CCDC91: variants seen among roughly 807,000 people sequenced by gnomAD.
The protein encoded by CCDC91 is coiled-coil domain-containing protein 91.
A neutral mutation model predicts 63.2 loss-of-function variants in CCDC91; 48 were observed. That is an observed-to-expected ratio of 0.76 (90% CI 0.60 to 0.97). The LOEUF (loss-of-function observed/expected upper bound fraction) is 0.97. CCDC91 is among the 50% of genes least tolerant of loss of function. The pLI, the probability that CCDC91 is intolerant of heterozygous loss-of-function variation, is 0.00. For missense variants in CCDC91, 500 were observed against 494.6 expected, an observed-to-expected ratio of 1.01 and a Z score of -0.10; for synonymous variants, 167 against 165.8, an observed-to-expected ratio of 1.01 and a Z score of -0.06.
chr12:28,453,694 C>A (rs1949925765), intron 11 of CCDC91, among the ~76,000 whole-genome samples: 1 of 151,840 alleles, frequency 6.6e-6, no homozygotes, highest in South Asian at 2.1e-4. Flanking sequence ...CTAATTCTTA[C>A]CGTAACCTAT....
intron 1 of CCDC91, among the ~76,000 whole-genome samples, chr12:28,219,866 A>G (rs1017841503): frequency 6.6e-6 from 1 of 152,178 alleles, no homozygotes; most frequent in Non-Finnish European, 1.5e-5. Flanking sequence ...TTTATCTGTC[A>G]TTATGAAATT....
At chr12:28,438,683 C>G (rs1466354315) in intron 8 of CCDC91, among the ~76,000 whole-genome samples, 1 of 152,104 alleles carries the variant, frequency 6.6e-6, no homozygotes, top group Non-Finnish European at 1.5e-5. Flanking sequence ...TTTCAACTTT[C>G]TGATGTGAGA....
intron 7 of CCDC91, among the ~76,000 whole-genome samples, chr12:28,371,586 A>G (rs1390692759): frequency 6.6e-6 from 1 of 152,196 alleles, no homozygotes. Flanking sequence ...ATTTTAAACA[A>G]TTGCTTTTTA....
At chr12:28,444,718 A>G (rs1039675748) in intron 8 of CCDC91, among the ~76,000 whole-genome samples, 1 of 152,188 alleles carries the variant, frequency 6.6e-6, no homozygotes, top group Non-Finnish European at 1.5e-5. Context: ...CAATAAAGAT[A>G]ACTCTCGGGT....
Position 28,281,868 on chromosome 12 carries a change from T to C in CCDC91, c.109+22426T>C, listed in dbSNP as rs757973815. On this transcript the variant is annotated intron_variant, in intron 3 of 12. Coordinates refer to ENST00000536442, the MANE Select transcript of CCDC91 (RefSeq NM_018318.5). ...GGACATACTTTTTTGGTTTGACTTA[T>C]CCCATAGTACCTTGGATTTAATGTT... 4.7e-4 allele frequency among the ~76,000 whole-genome samples: 72 copies of C among 152,286 alleles called. 1 individual carries two copies. The highest frequency in any genetic ancestry group is 7.4e-4 in the Non-Finnish European group (50 of 68,006).
intron 12 of CCDC91, among the ~76,000 whole-genome samples, chr12:28,515,605 TAAAC>T (rs1016189699): frequency 3.3e-5 from 5 of 151,926 alleles, no homozygotes; most frequent in Admixed American, 6.6e-5. Flanking sequence ...GTGATAATCT[TAAAC>T]AAGCTGTTGT....
chr12:28,201,389 G>C lies in CCDC91; in HGVS notation c.-15+10748G>C, dbSNP rs4786010. ...TAGAGGAGCTCCTCACATCCCAGGC[G>C]GGGCAGCGGGGCAGAGGCTCTCCCC... is the stretch of plus-strand genomic sequence containing the variant. On this transcript the variant is annotated intron_variant, in intron 1 of 12. Transcript: ENST00000536442. Among the ~76,000 whole-genome samples the C allele has an allele frequency of 3.5e-5, 5 of 141,430 alleles. No homozygotes were observed. In the South Asian group the frequency reaches 1.1e-3, roughly 31 times the overall value. 92.8% of individuals were successfully genotyped at this position (141,430 alleles called of 152,430 possible).
chr12:28,408,083 GT>G (rs1947081427), intron 8 of CCDC91, among the ~76,000 whole-genome samples: 1 of 151,824 alleles, frequency 6.6e-6, no homozygotes, highest in South Asian at 2.1e-4. Flanking sequence ...CGTCATCTAA[GT>G]TTTAAGCCTC....
chr12:28,387,075 G>T lies in CCDC91; in HGVS notation c.655-4229G>T, dbSNP rs75936630. 9.2e-3 allele frequency among the ~76,000 whole-genome samples: 1,402 copies of T among 152,196 alleles called. 27 individuals carry two copies. The highest frequency in any genetic ancestry group is 0.032 in the African/African-American group (1,333 of 41,534). On this transcript the variant is annotated intron_variant, in intron 7 of 12. Transcript: ENST00000536442. Reference sequence around the variant, plus strand: ...GTGAGAAACGTAAAGGAATCTCTGTGTATTATGATATATTAAACTGGAAGA... The same window carrying T: ...GTGAGAAACGTAAAGGAATCTCTGTTTATTATGATATATTAAACTGGAAGA...
intron 1 of CCDC91, among the ~76,000 whole-genome samples, chr12:28,222,958 A>G (rs1198417592): frequency 1.3e-5 from 2 of 152,058 alleles, no homozygotes; most frequent in South Asian, 2.1e-4. Context: ...TCTTTTGTGA[A>G]CTCATCTATT....
chr12:28,488,118 A>G (rs574080239), intron 12 of CCDC91, among the ~76,000 whole-genome samples: 10 of 151,968 alleles, frequency 6.6e-5, no homozygotes, highest in African/African-American at 2.2e-4. Flanking sequence ...AAGTAGTAAA[A>G]TTATACTCAG....
At position 28,285,396 on chromosome 12, in the gene CCDC91, C is replaced by A. The variant is rs1413062303; in HGVS notation, c.110-20253C>A. ...AAGCTTATGAAACTTAAATATGAAG[C>A]CTGAATGTTAAGTTAATTTACAAGG... On this transcript the variant is annotated intron_variant, in intron 3 of 12. Coordinates refer to ENST00000536442, the MANE Select transcript of CCDC91 (RefSeq NM_018318.5). Among the ~76,000 whole-genome samples, 6 of 151,930 alleles carry A rather than the reference C, an allele frequency of 3.9e-5. No individual in the cohort carries two copies. The South Asian group carries it at 1.0e-3, about 26-fold the overall frequency.
At chr12:28,449,335 T>A (rs1949686327) in intron 8 of CCDC91, among the ~76,000 whole-genome samples, 1 of 152,100 alleles carries the variant, frequency 6.6e-6, no homozygotes, top group South Asian at 2.1e-4. Flanking sequence ...ATTCCAAATC[T>A]GAGAAAATAT....
At chr12:28,443,137 T>TG (rs1949316497) in intron 8 of CCDC91, among the ~76,000 whole-genome samples, 6 of 3,710 alleles carry the variant, frequency 1.6e-3, no homozygotes, top group Non-Finnish European at 3.5e-3. Flanking sequence ...GGTTTGAATT[T>TG]TTTTCCCAGG....
At chr12:28,386,627 A>G (rs1304828376) in intron 7 of CCDC91, among the ~76,000 whole-genome samples, 2 of 152,170 alleles carry the variant, frequency 1.3e-5, no homozygotes, top group African/African-American at 4.8e-5. Context: ...TCGGCCTCCC[A>G]AAGTACTGGG....
intron 6 of CCDC91, among the ~76,000 whole-genome samples, chr12:28,341,322 T>G (rs1232109547): frequency 6.6e-6 from 1 of 152,150 alleles, no homozygotes; most frequent in African/African-American, 2.4e-5. Flanking sequence ...CCTAGGCCCA[T>G]GGGCACAGGT....
intron 6 of CCDC91, among the ~76,000 whole-genome samples, chr12:28,310,940 A>T (rs1463315615): frequency 6.6e-6 from 1 of 152,102 alleles, no homozygotes; most frequent in Non-Finnish European, 1.5e-5. Flanking sequence ...TTCTTACCCA[A>T]GTTGAGATTT....
chr12:28,221,711 A>T lies in CCDC91; in HGVS notation c.-15+31070A>T, dbSNP rs117627240. 8.8e-3 allele frequency among the ~76,000 whole-genome samples: 1,334 copies of T among 152,324 alleles called. 5 individuals carry two copies. The highest frequency in any genetic ancestry group is 0.02 in the Middle Eastern group (6 of 294). ...GGTTTATCCACTCTGACTGATAGGAATACAAATTCTTGCCAGCTATGTGTG... is the reference window on the plus strand; with the variant it reads ...GGTTTATCCACTCTGACTGATAGGATTACAAATTCTTGCCAGCTATGTGTG... On this transcript the variant is annotated intron_variant, in intron 1 of 12. Coordinates refer to ENST00000536442, the MANE Select transcript of CCDC91 (RefSeq NM_018318.5).
At chr12:28,241,697 A>T (rs533627648) in intron 1 of CCDC91, among the ~76,000 whole-genome samples, 1 of 152,218 alleles carries the variant, frequency 6.6e-6, no homozygotes, top group East Asian at 1.9e-4. Flanking sequence ...GGAATTTCTC[A>T]AAGTATACCT....
Sources: allele counts gnomAD v4.1 joint callset (sites outside exome capture counted in the v4.1 genomes callset), GRCh38; gene constraint gnomAD v4.1.1; transcripts MANE v1.5; gene names NCBI Gene and HGNC (gene_info 2026-07-23, HGNC 2026-07-21).